LRP1B: variants seen among roughly 807,000 people sequenced by gnomAD.
LRP1B encodes the protein LDL receptor related protein 1B.
A neutral mutation model predicts 556.6 loss-of-function variants in LRP1B; 217 were observed. That is an observed-to-expected ratio of 0.39 (90% CI 0.35 to 0.44). LRP1B has a LOEUF of 0.44. Among genes scored for constraint, LRP1B ranks in the 20% least tolerant of loss-of-function variants. LRP1B has a pLI of 1.00. For synonymous variants in LRP1B, 2,047 were observed against 1,865.8 expected (o/e 1.10, Z -2.50); for missense variants, 5,053 against 5,620.8 (o/e 0.90, Z 3.23).
chr2:141,814,585 G>A (rs1696468407), intron 1 of LRP1B, among the ~76,000 whole-genome samples: 1 of 152,192 alleles, frequency 6.6e-6, no homozygotes, highest in African/African-American at 2.4e-5. Context: ...GGAAACTGCA[G>A]TCAAATATTA....
At chr2:141,311,017 G>A (rs543083970) in intron 3 of LRP1B, among the ~76,000 whole-genome samples, 2 of 152,124 alleles carry the variant, frequency 1.3e-5, no homozygotes, top group African/African-American at 4.8e-5. Context: ...CAGCCCTAAA[G>A]TTAAAGTTAT....
intron 27 of LRP1B, among the ~76,000 whole-genome samples, chr2:140,865,367 T>A (rs139239635): frequency 0.011 from 1,608 of 152,150 alleles, 23 homozygotes; most frequent in African/African-American, 0.032. Context: ...ATGTATTTTT[T>A]AAATTTATTA....
At chr2:142,058,426 T>C (rs1415049616) in intron 1 of LRP1B, among the ~76,000 whole-genome samples, 2 of 152,202 alleles carry the variant, frequency 1.3e-5, no homozygotes, top group Non-Finnish European at 2.9e-5. Context: ...CCCAACTCTG[T>C]TGAGAAATAC....
intron 31 of LRP1B, among the ~76,000 whole-genome samples, chr2:140,831,220 C>T (rs952621344): frequency 4.6e-5 from 7 of 152,024 alleles, no homozygotes; most frequent in African/African-American, 1.7e-4. Flanking sequence ...CAAAACAATC[C>T]TAAGCAAATA....
At chr2:140,235,516 GT>G (rs1489756623) in intron 89 of LRP1B, among the ~76,000 whole-genome samples, 1 of 150,876 alleles carries the variant, frequency 6.6e-6, no homozygotes, top group African/African-American at 2.4e-5. Context: ...AGAACTAGCT[GT>G]TTTTTTCTGT....
chr2:142,122,569 A>G (rs1431442575), intron 1 of LRP1B, among the ~76,000 whole-genome samples: 1 of 152,104 alleles, frequency 6.6e-6, no homozygotes, highest in Non-Finnish European at 1.5e-5. Context: ...TAGAAATGAC[A>G]TCAATACAAG....
intron 3 of LRP1B, among the ~76,000 whole-genome samples, chr2:141,359,239 A>T: frequency 6.6e-6 from 1 of 150,548 alleles, no homozygotes; most frequent in South Asian, 2.1e-4. Flanking sequence ...AGAAGAAATA[A>T]AATAATAAAG....
chr2:140,452,396 A>T (rs2105316549), intron 62 of LRP1B, among the ~76,000 whole-genome samples: 1 of 152,244 alleles, frequency 6.6e-6, no homozygotes, highest in African/African-American at 2.4e-5. Flanking sequence ...AATTAGTTAA[A>T]CCAAGCGGTA....
chr2:140,818,978 A>G (rs1691224298), intron 31 of LRP1B, among the ~76,000 whole-genome samples: 1 of 150,050 alleles, frequency 6.7e-6, no homozygotes, highest in Non-Finnish European at 1.5e-5. Flanking sequence ...TGCTGAGGAA[A>G]CCCAAGCACT....
intron 84 of LRP1B, among the ~76,000 whole-genome samples, chr2:140,293,337 T>C (rs1683470883): frequency 6.6e-6 from 1 of 152,210 alleles, no homozygotes; most frequent in African/African-American, 2.4e-5. Flanking sequence ...CTAGTAATTC[T>C]TGTTCTAGAA....
intron 66 of LRP1B, among the ~76,000 whole-genome samples, chr2:140,392,971 C>T (rs1329851996): frequency 1.3e-5 from 2 of 151,574 alleles, no homozygotes; most frequent in Non-Finnish European, 2.9e-5. Context: ...GCTCTGTCAC[C>T]CAGGCTGGAA....
intron 37 of LRP1B, among the ~76,000 whole-genome samples, chr2:140,706,582 G>A (rs1686845107): frequency 6.6e-6 from 1 of 152,008 alleles, no homozygotes; most frequent in Non-Finnish European, 1.5e-5. Context: ...TGTCTTTATT[G>A]TCTTAACTAG....
chr2:141,058,968 T>C lies in LRP1B; in HGVS notation c.1323A>G (p.Arg441=). 4 of 1,599,636 alleles carry C rather than the reference T, an allele frequency of 2.5e-6. No individual in the cohort carries two copies. The highest frequency in any genetic ancestry group is 3.4e-6 in the Non-Finnish European group (4 of 1,172,130). The change falls in exon 9 of 91, where the codon CGA becomes CGG. Residue 441 remains arginine, a synonymous_variant. Coordinates refer to ENST00000389484, the MANE Select transcript of LRP1B (RefSeq NM_018557.3). ...ATGAGTGAATATCAGTCCCATTAAA[T>C]CGGTTTATCCTTACGATATTGTAGT... is the stretch of plus-strand genomic sequence containing the variant. ...SDNYNIVRIN[R]FNGTDIHSLI...
intron 27 of LRP1B, among the ~76,000 whole-genome samples, chr2:140,856,912 T>C (rs1692637800): frequency 6.6e-6 from 1 of 152,200 alleles, no homozygotes. Flanking sequence ...ATCTAGAAAG[T>C]TAATTTTCTA....
At chr2:141,678,815 A>T (rs1690990047) in intron 2 of LRP1B, among the ~76,000 whole-genome samples, 1 of 152,158 alleles carries the variant, frequency 6.6e-6, no homozygotes, top group Admixed American at 6.6e-5. Context: ...TGATACAATG[A>T]AATACATTGG....
chr2:141,568,228 T>C (rs145085548), intron 2 of LRP1B, among the ~76,000 whole-genome samples: 1,712 of 151,146 alleles, frequency 0.011, 92 homozygotes, highest in Middle Eastern at 0.017. Flanking sequence ...CACAATGTCA[T>C]AGGACTTAAG....
rs1689483788 is a variant in LRP1B, at chr2:140,776,034, G to A, written c.5500+64C>T. On this transcript the variant is annotated intron_variant, in intron 33 of 90. Transcript: ENST00000389484. ...AAACCTTTTATTGTTGAATTGAGGA[G>A]CTAATATAAAAAAGAGCACATTACG... 88 of 1,270,978 alleles carry A rather than the reference G, an allele frequency of 6.9e-5. 2 individuals carry two copies. The South Asian group carries it at 1.2e-3, about 17-fold the overall frequency. 78.7% of individuals were successfully genotyped at this position (1,270,978 alleles called of 1,614,324 possible).
chr2:141,305,649 A>G (rs1047166411), intron 3 of LRP1B, among the ~76,000 whole-genome samples: 7 of 152,086 alleles, frequency 4.6e-5, no homozygotes, highest in African/African-American at 1.7e-4. Flanking sequence ...GTGAACGTGG[A>G]CATATTTGTC....
chr2:141,717,116 T>C (rs533106666), intron 2 of LRP1B, among the ~76,000 whole-genome samples: 42 of 152,280 alleles, frequency 2.8e-4, no homozygotes, highest in African/African-American at 9.9e-4. Flanking sequence ...AGAGGTATGA[T>C]ATAAATGTCA....
Sources: gnomAD v4.1 joint callset for allele counts (sites outside exome capture counted in the v4.1 genomes callset) on GRCh38, gnomAD v4.1.1 for gene constraint, MANE v1.5 for transcripts, NCBI Gene and HGNC (gene_info 2026-07-23, HGNC 2026-07-21) for gene names.